Variants in FCHO2 observed in about 807,000 individuals in gnomAD.
FCHO2 encodes FCH and mu domain containing endocytic adaptor 2.
In FCHO2, 43 loss-of-function variants were observed where a neutral mutation model predicts 114.1. The observed-to-expected ratio is 0.38, with a 90% confidence interval of 0.30 to 0.49. The LOEUF (loss-of-function observed/expected upper bound fraction) is 0.49, where lower values mean the gene tolerates loss of function less well. FCHO2 is among the 20% of genes least tolerant of loss of function. The pLI is 0.97. For missense variants in FCHO2, 807 were observed against 950.4 expected (o/e 0.85, Z 1.98); for synonymous variants, 293 against 315.2 (o/e 0.93, Z 0.75).
chr5:73,042,559 G>C (rs1211210054), intron 11 of FCHO2, among the ~76,000 whole-genome samples: 1 of 151,976 alleles, frequency 6.6e-6, no homozygotes, highest in East Asian at 1.9e-4. Flanking sequence ...GAATACAAAA[G>C]AATACAGAAT....
intron 6 of FCHO2, among the ~76,000 whole-genome samples, chr5:73,013,779 T>G (rs2112735269): frequency 6.6e-6 from 1 of 152,266 alleles, no homozygotes; most frequent in East Asian, 1.9e-4. Context: ...GGAATTCTCC[T>G]GGGTTCAAGC....
intron 6 of FCHO2, among the ~76,000 whole-genome samples, chr5:73,008,333 G>C (rs1754824691): frequency 6.6e-6 from 1 of 152,158 alleles, no homozygotes; most frequent in Non-Finnish European, 1.5e-5. Flanking sequence ...AGTCAGGTGA[G>C]AAGGATGAGG....
chr5:73,017,380 A>G, intron 8 of FCHO2, 72 bp downstream of exon 8: 1 of 912,198 alleles, frequency 1.1e-6, no homozygotes, highest in Non-Finnish European at 1.6e-6. Flanking sequence ...TGCCTTGAAG[A>G]TCATGTGGGT....
chr5:72,968,091 AT>A (rs1179702620), intron 1 of FCHO2, among the ~76,000 whole-genome samples: 1 of 150,328 alleles, frequency 6.7e-6, no homozygotes, highest in East Asian at 2.0e-4. Flanking sequence ...CGCCCGGCTA[AT>A]TTTTTGTATT....
At chr5:72,973,338 CTT>C (rs1415669823) in intron 2 of FCHO2, among the ~76,000 whole-genome samples, 2 of 152,134 alleles carry the variant, frequency 1.3e-5, no homozygotes, top group Non-Finnish European at 2.9e-5. Context: ...GTCCTGTACT[CTT>C]TTTGGTTGGT....
chr5:72,962,143 G>T (rs938114830), intron 1 of FCHO2, among the ~76,000 whole-genome samples: 2 of 152,094 alleles, frequency 1.3e-5, no homozygotes, highest in Non-Finnish European at 2.9e-5. Flanking sequence ...TTTTTAAGGG[G>T]TGTGATTTGT....
At chr5:73,014,033 T>G (rs1027553326) in intron 6 of FCHO2, among the ~76,000 whole-genome samples, 3 of 152,030 alleles carry the variant, frequency 2.0e-5, no homozygotes, top group African/African-American at 7.2e-5. Flanking sequence ...AGCAGTGGTT[T>G]CCTCTCTGGG....
intron 8 of FCHO2, among the ~76,000 whole-genome samples, chr5:73,032,034 T>C (rs1355033722): frequency 1.3e-5 from 2 of 152,208 alleles, no homozygotes; most frequent in African/African-American, 4.8e-5. Flanking sequence ...GGACTGCATT[T>C]GAAGGAGATG....
In FCHO2 at chr5:73,068,661, C is replaced by T. The variant is rs1742482245; in HGVS notation, c.1461C>T (p.Phe487=). ...TTTTTGTTTTTAAGCCCAGGCCATT[C>T]AGCCCACCTGTAACTTCCAACACCA... ...LSGINEIPRP[F]SPPVTSNTSP... Residue 487 remains phenylalanine, a synonymous_variant, in exon 19 of 26, where the codon TTC becomes TTT. Coordinates refer to ENST00000430046, the MANE Select transcript of FCHO2 (RefSeq NM_138782.3). 6.2e-7 allele frequency: 1 copy of T among 1,610,618 alleles called. No individual in the cohort carries two copies. Among genetic ancestry groups the T allele is most frequent in the African/African-American group, 1.3e-5 (1 of 74,676 alleles).
chr5:73,067,842 T>C (rs1742432116), intron 18 of FCHO2, among the ~76,000 whole-genome samples: 1 of 152,048 alleles, frequency 6.6e-6, no homozygotes, highest in African/African-American at 2.4e-5. Context: ...GTGTTGCTAC[T>C]GAATTATTGG....
chr5:72,974,799 T>C (rs200574450), intron 2 of FCHO2, among the ~76,000 whole-genome samples: 5 of 152,160 alleles, frequency 3.3e-5, no homozygotes, highest in African/African-American at 9.7e-5. Flanking sequence ...TTCCTAGTCT[T>C]GATGGTCTTT....
Position 73,090,126 on chromosome 5 carries a change from C to A in FCHO2, c.*2036C>A, listed in dbSNP as rs1326027516. 6.6e-6 allele frequency: 1 copy of A among 152,580 alleles called. No individual in the cohort carries two copies. Among genetic ancestry groups the A allele is most frequent in the African/African-American group, 2.4e-5 (1 of 41,442 alleles). The allele number at this position is 152,580 out of a possible 1,614,324, so 9.5% of individuals were successfully genotyped here. On this transcript the variant is annotated 3_prime_UTR_variant, in exon 26 of 26. Coordinates refer to ENST00000430046, the MANE Select transcript of FCHO2 (RefSeq NM_138782.3). ...TGTACAAATTAGTGAAATGGTTAAA[C>A]TTCTGCACTTTCTTAGTTACCACAG...
chr5:73,020,984 C>G, intron 8 of FCHO2: 1 of 1,596,424 alleles, frequency 6.3e-7, no homozygotes, highest in Non-Finnish European at 8.6e-7. Context: ...CCATTCACAT[C>G]TTTGCTCTTT....
At chr5:73,057,452 GAGATGCT>G (rs1757649266) in intron 16 of FCHO2, among the ~76,000 whole-genome samples, 1 of 152,048 alleles carries the variant, frequency 6.6e-6, no homozygotes, top group Non-Finnish European at 1.5e-5. Flanking sequence ...GGTGCATGTT[GAGATGCT>G]GGATATGTAC....
At chr5:73,057,659 A>AT (rs1019192499) in intron 16 of FCHO2, among the ~76,000 whole-genome samples, 21 of 152,164 alleles carry the variant, frequency 1.4e-4, no homozygotes, top group African/African-American at 5.1e-4. Flanking sequence ...GCCTTATAAA[A>AT]TTTTAACCCA....
At chr5:72,983,210 G>A (rs1354255716) in intron 2 of FCHO2, among the ~76,000 whole-genome samples, 4 of 151,940 alleles carry the variant, frequency 2.6e-5, no homozygotes, top group East Asian at 3.9e-4. Flanking sequence ...CACCATGCCC[G>A]GCCTTTTTAA....
intron 12 of FCHO2, among the ~76,000 whole-genome samples, chr5:73,052,071 A>C (rs1436990457): frequency 1.3e-5 from 2 of 151,902 alleles, no homozygotes. Flanking sequence ...CCACAGGTGC[A>C]TGCCACCATG....
rs374538918 is a variant in FCHO2 at position 73,041,324 on chromosome 5, A to C, written c.939+9A>C. 3 of 1,461,822 alleles carry C rather than the reference A, an allele frequency of 2.1e-6. No individual in the cohort carries two copies. The African/African-American group carries it at 4.2e-5, about 20-fold the overall frequency. 90.6% of individuals were successfully genotyped at this position (1,461,822 alleles called of 1,614,324 possible). ...CTGATGCAGATTCATTGGTAAGTAG[A>C]TTTAACTTTGATATAAACAATTTAA... On this transcript the variant is annotated intron_variant, in intron 11 of 25. Coordinates refer to ENST00000430046, the MANE Select transcript of FCHO2 (RefSeq NM_138782.3).
At chr5:72,983,962 G>T (rs1753373087) in intron 2 of FCHO2, among the ~76,000 whole-genome samples, 1 of 152,060 alleles carries the variant, frequency 6.6e-6, no homozygotes, top group Non-Finnish European at 1.5e-5. Context: ...TAATAGCAAA[G>T]AATTTTCCAA....
Sources: gnomAD v4.1 joint callset for allele counts (sites outside exome capture counted in the v4.1 genomes callset) on GRCh38, gnomAD v4.1.1 for gene constraint, MANE v1.5 for transcripts, NCBI Gene and HGNC (gene_info 2026-07-23, HGNC 2026-07-21) for gene names.